Variants in TJP1 observed in about 807,000 individuals in gnomAD.
TJP1 encodes the protein tight junction protein ZO-1.
TJP1 carries 43 observed loss-of-function variants against 194.2 expected under a neutral mutation model. The ratio of observed to expected loss-of-function variants is 0.22; its 90% CI spans 0.17 to 0.29. TJP1 has a LOEUF of 0.29. TJP1 is among the 10% of genes least tolerant of loss of function. The pLI, the probability that TJP1 is intolerant of heterozygous loss-of-function variation, is 1.00. For synonymous variants in TJP1, 801 were observed against 779.0 expected (o/e 1.03, Z -0.47); for missense variants, 1,971 against 2,185.7 (o/e 0.90, Z 1.96).
At chr15:29,801,463 A>AT (rs11334228) in intron 1 of TJP1, among the ~76,000 whole-genome samples, 32 of 131,916 alleles carry the variant, frequency 2.4e-4, no homozygotes, top group African/African-American at 6.9e-4. Flanking sequence ...ATAAATTATT[A>AT]TTTTTTTTTT....
intron 2 of TJP1, among the ~76,000 whole-genome samples, chr15:29,797,221 G>C (rs1376491191): frequency 3.3e-5 from 5 of 152,124 alleles, no homozygotes; most frequent in Non-Finnish European, 7.4e-5. Context: ...CGATGTCAGG[G>C]TCATTGCAAC....
intron 2 of TJP1, among the ~76,000 whole-genome samples, chr15:29,881,409 C>T (rs1198445093): frequency 6.6e-6 from 1 of 152,214 alleles, no homozygotes; most frequent in Non-Finnish European, 1.5e-5. Context: ...CCTTTTCACA[C>T]TGCTCATTGT....
At chr15:29,832,320 A>G (rs1310204966) in intron 2 of TJP1, among the ~76,000 whole-genome samples, 2 of 152,170 alleles carry the variant, frequency 1.3e-5, no homozygotes, top group African/African-American at 4.8e-5. Flanking sequence ...ACCTGTAGAC[A>G]TATGAGTGAG....
intron 2 of TJP1, among the ~76,000 whole-genome samples, chr15:29,909,604 T>C (rs988408946): frequency 1.3e-5 from 2 of 152,094 alleles, no homozygotes; most frequent in Admixed American, 6.5e-5. Context: ...GTTCACTTTC[T>C]TGATGCCCAA....
intron 25 of TJP1, among the ~76,000 whole-genome samples, chr15:29,707,702 G>A (rs750514604): frequency 4.6e-5 from 7 of 152,326 alleles, no homozygotes; most frequent in Non-Finnish European, 8.8e-5. Flanking sequence ...GAGGCTCCAG[G>A]TGGGCTCACT....
At chr15:29,720,042 A>C (rs1270572200) in intron 19 of TJP1, 26 bp from the exon 20 acceptor site, 8 of 1,567,316 alleles carry the variant, frequency 5.1e-6, no homozygotes, top group Admixed American at 2.0e-5. Context: ...AATATTTTAA[A>C]TATAGTGTTT....
At chr15:29,874,975 C>T (rs76271691) in intron 2 of TJP1, among the ~76,000 whole-genome samples, 83 of 152,326 alleles carry the variant, frequency 5.4e-4, no homozygotes, top group African/African-American at 1.9e-3. Context: ...CATTCTCTTC[C>T]TCATCAAAAA....
chr15:29,924,784 G>A (rs761650855), intron 2 of TJP1, among the ~76,000 whole-genome samples: 56 of 146,234 alleles, frequency 3.8e-4, no homozygotes, highest in South Asian at 4.6e-4. Context: ...TCTCCTAAAC[G>A]GAGATCTTAA....
intron 2 of TJP1, among the ~76,000 whole-genome samples, chr15:29,949,202 TCCA>T (rs1352194311): frequency 2.5e-5 from 2 of 78,606 alleles, no homozygotes; most frequent in East Asian, 4.5e-4. Context: ...CACCAGCACC[TCCA>T]CCACCACCAC....
At chr15:29,936,271 A>C (rs2054879188) in intron 2 of TJP1, among the ~76,000 whole-genome samples, 2 of 152,154 alleles carry the variant, frequency 1.3e-5, no homozygotes, top group African/African-American at 4.8e-5. Flanking sequence ...AAAATGGCAC[A>C]TGTTAAAAAT....
Position 29,726,853 on chromosome 15 carries a change from A to T in TJP1, c.2239T>A (p.Ser747Thr). 6.2e-7 allele frequency: 1 copy of T among 1,614,170 alleles called. No individual in the cohort carries two copies. Among genetic ancestry groups the T allele is most frequent in the Non-Finnish European group, 8.5e-7 (1 of 1,180,034 alleles). Residue 747 changes from serine to threonine, a missense_variant, in exon 17 of 28, where the codon TCT becomes ACT. Ser to Thr is a moderately conservative substitution (Grantham distance 58). Around this residue, in one of 5 missense-constraint regions of TJP1, gnomAD observed 402 missense variants for 484.2 expected, o/e 0.83. Coordinates refer to ENST00000614355, the MANE Select transcript of TJP1 (RefSeq NM_001330239.4). The part of the protein sequence containing the change: ...KTMRMRLCPE[S>T]RKSARKLYER... ...TATAACTTCCTGGCACTTTTCCGAGATTCTGGACATAACCTCATTCTCATT... is the reference window on the plus strand; with the variant it reads ...TATAACTTCCTGGCACTTTTCCGAGTTTCTGGACATAACCTCATTCTCATT...
In TJP1 at chr15:29,711,007, A is replaced by G. The variant is rs759650463; in HGVS notation, c.4203-7T>C. On this transcript the variant is annotated splice_region_variant and splice_polypyrimidine_tract_variant and intron_variant, in intron 23 of 27. Transcript: ENST00000614355. The stretch of plus-strand genomic sequence containing the variant: ...AGCTTCAGGAGGCTTTCCCCTGTTA[A>G]CAAATGAAGAAAATGCCAACACCTG... 6.4e-7 allele frequency: 1 copy of G among 1,566,562 alleles called. No individual in the cohort carries two copies. Among genetic ancestry groups the G allele is most frequent in the South Asian group, 1.2e-5 (1 of 84,724 alleles).
chr15:29,720,145 A>G (rs1424987591), intron 19 of TJP1, 129 bp from the exon 20 acceptor site: 1 of 1,336,166 alleles, frequency 7.5e-7, no homozygotes, highest in East Asian at 2.4e-5. Flanking sequence ...CTCATGTCCT[A>G]AACTTTTTGG....
At chr15:29,793,232 T>A (rs2048205467) in intron 2 of TJP1, among the ~76,000 whole-genome samples, 1 of 152,218 alleles carries the variant, frequency 6.6e-6, no homozygotes, top group South Asian at 2.1e-4. Context: ...TGATACTAGC[T>A]GTGGGTTTAT....
intron 21 of TJP1, 32 bp from the exon 22 acceptor site, chr15:29,718,150 A>ATG: frequency 6.4e-7 from 1 of 1,573,106 alleles, no homozygotes; most frequent in Non-Finnish European, 8.6e-7. Context: ...AAAAAGACAA[A>ATG]TATGCCTAAG....
intron 8 of TJP1, among the ~76,000 whole-genome samples, chr15:29,751,771 T>TA (rs1819706178): frequency 6.6e-6 from 1 of 152,240 alleles, no homozygotes; most frequent in Admixed American, 6.5e-5. Context: ...GTCTCACATT[T>TA]AAAAAATCTG....
chr15:29,928,079 A>G (rs2152265376), intron 2 of TJP1, among the ~76,000 whole-genome samples: 1 of 152,306 alleles, frequency 6.6e-6, no homozygotes, highest in East Asian at 1.9e-4. Flanking sequence ...ACTCAATCAA[A>G]AATAACCAGG....
chr15:29,822,098 T>C lies in TJP1; in HGVS notation c.-70A>G. Reference sequence around the variant, plus strand: ...TCCGCGGCGCTGGCCCGCCCGCTCCTCACGCCACAGCCCAAATAAACATCT... The same window carrying C: ...TCCGCGGCGCTGGCCCGCCCGCTCCCCACGCCACAGCCCAAATAAACATCT... On this transcript the variant is annotated 5_prime_UTR_variant, in exon 1 of 28. It removes the in-frame stop codon of an upstream open reading frame in the 5' UTR. Coordinates refer to ENST00000614355, the MANE Select transcript of TJP1 (RefSeq NM_001330239.4). 1 of 1,236,684 alleles carries C rather than the reference T, an allele frequency of 8.1e-7. No homozygotes were observed. The allele number at this position is 1,236,684 out of a possible 1,614,324, so 76.6% of individuals were successfully genotyped here.
chr15:29,825,883 T>G (rs971154173), upstream of TJP1, among the ~76,000 whole-genome samples: 26 of 152,192 alleles, frequency 1.7e-4, 1 homozygote, highest in African/African-American at 6.3e-4. Flanking sequence ...AATAAAGTCA[T>G]GTAACAATGT....
Sources: gnomAD v4.1 joint callset for allele counts (sites outside exome capture counted in the v4.1 genomes callset) on GRCh38, gnomAD v4.1.1 for gene constraint, gnomAD v4.1.1 regional missense constraint, MANE v1.5 for transcripts, NCBI Gene and HGNC (gene_info 2026-07-23, HGNC 2026-07-21) for gene names.